The following LYZL4 variants were observed in gnomAD, a reference collection of about 807,000 sequenced individuals.
The protein encoded by LYZL4 is lysozyme like 4, also known as lysozyme-like protein 4.
A neutral mutation model predicts 17.6 loss-of-function variants in LYZL4; 13 were observed. The observed-to-expected ratio is 0.74, with a 90% CI of 0.48 to 1.18. LYZL4 has a LOEUF of 1.18. Ranked by LOEUF, LYZL4 falls within the 50% of genes most tolerant of loss-of-function variation. The pLI, the probability that LYZL4 is intolerant of heterozygous loss-of-function variation, is 0.00. For missense variants in LYZL4, 174 were observed against 188.2 expected (o/e 0.92, Z 0.44); for synonymous variants, 64 against 67.7 (o/e 0.95, Z 0.27).
At chr3:42,374,829 T>A in the LYZL4 span, among the ~76,000 whole-genome samples, 11 of 152,192 alleles carry the variant, frequency 7.2e-5, no homozygotes, top group East Asian at 3.8e-4. Context: ...TGACTTTTTT[T>A]AAAACTTTTT....
the LYZL4 span, among the ~76,000 whole-genome samples, chr3:42,373,099 T>A: frequency 6.6e-6 from 1 of 152,014 alleles, no homozygotes; most frequent in Non-Finnish European, 1.5e-5. Context: ...TAGTCCCAGC[T>A]ACTCGGGAGG....
chr3:42,387,930 C>T, the LYZL4 span, among the ~76,000 whole-genome samples: 2 of 152,148 alleles, frequency 1.3e-5, no homozygotes, highest in Non-Finnish European at 2.9e-5. Flanking sequence ...GAGACCTTTC[C>T]CACCTGTCAG....
chr3:42,370,865 A>T, the LYZL4 span, among the ~76,000 whole-genome samples: 1 of 152,210 alleles, frequency 6.6e-6, no homozygotes, highest in Non-Finnish European at 1.5e-5. Context: ...AGAATTGACT[A>T]TGCCTCCATC....
At chr3:42,404,228 G>T in intron 3 of LYZL4, 104 bp from the exon 4 acceptor site, 1 of 608,640 alleles carries the variant, frequency 1.6e-6, no homozygotes, top group Non-Finnish European at 2.8e-6. Flanking sequence ...GTCTTCCAGT[G>T]AATTCCAAGA....
downstream of LYZL4, among the ~76,000 whole-genome samples, chr3:42,396,585 C>T (rs1284990960): frequency 6.6e-6 from 1 of 151,916 alleles, no homozygotes; most frequent in African/African-American, 2.4e-5. Flanking sequence ...GAATAAAAAA[C>T]CTATACAGAA....
chr3:42,375,148 C>A, the LYZL4 span, among the ~76,000 whole-genome samples: 3 of 151,976 alleles, frequency 2.0e-5, no homozygotes, highest in Non-Finnish European at 2.9e-5. Flanking sequence ...ATCAAGGATC[C>A]CCCCGCCTCC....
At chr3:42,383,052 T>C in the LYZL4 span, among the ~76,000 whole-genome samples, 152,096 of 152,272 alleles carry the variant, frequency 1, 75,960 homozygotes, top group Middle Eastern at 1. Flanking sequence ...AACCAGGTGC[T>C]TGTCCCCCAC....
At chr3:42,385,122 A>T in the LYZL4 span, among the ~76,000 whole-genome samples, 1 of 152,094 alleles carries the variant, frequency 6.6e-6, no homozygotes, top group Non-Finnish European at 1.5e-5. Flanking sequence ...TAATTACTTT[A>T]AAAAAATAAC....
downstream of LYZL4, among the ~76,000 whole-genome samples, chr3:42,394,491 A>G (rs1698525791): frequency 6.6e-6 from 1 of 152,188 alleles, no homozygotes; most frequent in Non-Finnish European, 1.5e-5. Context: ...TAAGTACCTT[A>G]GGAGGTTTTG....
chr3:42,378,684 G>C, the LYZL4 span, among the ~76,000 whole-genome samples: 4 of 152,100 alleles, frequency 2.6e-5, no homozygotes, highest in African/African-American at 9.7e-5. Context: ...CACGTGTTAA[G>C]GTGCACTACC....
the LYZL4 span, among the ~76,000 whole-genome samples, chr3:42,390,545 A>ATGT: frequency 6.8e-6 from 1 of 147,124 alleles, no homozygotes; most frequent in African/African-American, 2.5e-5. Context: ...AGGAGCAGCT[A>ATGT]TTTTTTTTTT....
chr3:42,391,972 G>T, the LYZL4 span, among the ~76,000 whole-genome samples: 2 of 151,204 alleles, frequency 1.3e-5, no homozygotes, highest in African/African-American at 4.9e-5. Flanking sequence ...GGGCTTAATC[G>T]ATCCTCCCAC....
intron 4 of LYZL4, among the ~76,000 whole-genome samples, chr3:42,398,915 A>G (rs961431258): frequency 6.6e-6 from 1 of 152,178 alleles, no homozygotes; most frequent in Non-Finnish European, 1.5e-5. Flanking sequence ...CAAATAACAA[A>G]CCTGAAAAAA....
At chr3:42,393,337 GCA>G (rs3071913), downstream of LYZL4, among the ~76,000 whole-genome samples, 7,422 of 148,438 alleles carry the variant, frequency 0.05, 249 homozygotes, top group Admixed American at 0.13. Flanking sequence ...GTGTGCGCGT[GCA>G]CACACACACA....
chr3:42,386,300 A>G, the LYZL4 span, among the ~76,000 whole-genome samples: 1 of 149,118 alleles, frequency 6.7e-6, no homozygotes, highest in South Asian at 2.1e-4. Context: ...GCGGGGTTTT[A>G]CCATGTTGGC....
chr3:42,365,222 T>C, the LYZL4 span, among the ~76,000 whole-genome samples: 1 of 152,200 alleles, frequency 6.6e-6, no homozygotes, highest in East Asian at 1.9e-4. Context: ...AAAATTTATC[T>C]AAATATAAGA....
the LYZL4 span, among the ~76,000 whole-genome samples, chr3:42,377,372 C>T: frequency 6.6e-6 from 1 of 152,230 alleles, no homozygotes; most frequent in Non-Finnish European, 1.5e-5. Flanking sequence ...CCAATTCCAG[C>T]TAGCTTGAAA....
At position 42,407,344 on chromosome 3, in the gene LYZL4, C is replaced by G; in HGVS notation, c.-92-1G>C. On this transcript the variant is annotated splice_acceptor_variant, in intron 1 of 4. Transcript: ENST00000287748. LOFTEE classifies it low-confidence loss of function (5UTR_SPLICE). ...GGTTCTCTGAAGGGAAAGAAGGGCA[C>G]TGTGGGGGTGGGGGTGGAGCACAGT... is the stretch of plus-strand genomic sequence containing the variant. 3 of 1,535,954 alleles carry G rather than the reference C, an allele frequency of 2.0e-6. No homozygotes were observed. The highest frequency in any genetic ancestry group is 1.2e-5 in the South Asian group (1 of 84,324).
chr3:42,406,432 C>T lies in LYZL4; in HGVS notation c.292+414G>A, dbSNP rs189228629. Among the ~76,000 whole-genome samples the T allele has an allele frequency of 9.6e-4, 124 of 129,154 alleles. 1 individual carries two copies. Among genetic ancestry groups the T allele is most frequent in the African/African-American group, 3.5e-3 (117 of 33,516 alleles). 84.7% of individuals were successfully genotyped at this position (129,154 alleles called of 152,430 possible). A position where few individuals can be genotyped will look rare whatever the true frequency, so the allele number is the denominator to read the frequency against. On this transcript the variant is annotated intron_variant, in intron 3 of 4. Transcript: ENST00000287748. ...TCGCGCCACTGCACTCCAGCCTGGG[C>T]GACTCAGTGAGACTCCGTCTCAAAA...
Sources: allele counts gnomAD v4.1 joint callset (sites outside exome capture counted in the v4.1 genomes callset), GRCh38; gene constraint gnomAD v4.1.1; transcripts MANE v1.5; gene names NCBI Gene and HGNC (gene_info 2026-07-23, HGNC 2026-07-21).